ZDHHC2: variants seen among roughly 807,000 people sequenced by gnomAD.
ZDHHC2 encodes zDHHC palmitoyltransferase 2.
ZDHHC2 carries 51 observed loss-of-function variants against 55.6 expected under a neutral mutation model. The ratio of observed to expected loss-of-function variants is 0.92; its 90% confidence interval spans 0.73 to 1.16. The LOEUF (loss-of-function observed/expected upper bound fraction) is 1.16, where lower values mean the gene tolerates loss of function less well. Ranked by LOEUF, ZDHHC2 falls within the 50% of genes most tolerant of loss-of-function variation. ZDHHC2 has a pLI of 0.00. For missense variants in ZDHHC2, 491 were observed against 442.4 expected, an observed-to-expected ratio of 1.11 and a Z score of -0.99; for synonymous variants, 199 against 152.9, an observed-to-expected ratio of 1.30 and a Z score of -2.22.
intron 1 of ZDHHC2, among the ~76,000 whole-genome samples, chr8:17,165,634 G>C (rs1285922216): frequency 6.6e-6 from 1 of 152,172 alleles, no homozygotes; most frequent in Non-Finnish European, 1.5e-5. Context: ...TCTATTGACA[G>C]ATGTTGGAGC....
chr8:17,199,588 CT>C (rs1340893091), intron 6 of ZDHHC2, among the ~76,000 whole-genome samples: 735 of 33,996 alleles, frequency 0.022, 44 homozygotes, highest in Non-Finnish European at 0.056. Flanking sequence ...TCTTCTTCTT[CT>C]TTCTTCTTCT....
rs777321110 is a variant in ZDHHC2, at chr8:17,210,427, C to G, written c.897C>G (p.Asn299Lys). Residue 299 changes from asparagine (N) to lysine (K), a missense_variant, in exon 10 of 13, where the codon AAC becomes AAG. Physicochemically the swap from Asn to Lys is moderately conservative, Grantham distance 94. Transcript: ENST00000262096. ...DGCSFPTCLVNQDPEQASTPA... is the reference protein window; with the variant it reads ...DGCSFPTCLVKQDPEQASTPA... ...GCTCCTTTCCAACTTGCCTTGTTAACCAGGATCCTGAACAAGCATCTACTC... is the reference window on the plus strand; with the variant it reads ...GCTCCTTTCCAACTTGCCTTGTTAAGCAGGATCCTGAACAAGCATCTACTC... The G allele has an allele frequency of 8.8e-5, 142 of 1,613,210 alleles. No homozygotes were observed. The highest frequency in any genetic ancestry group is 1.2e-4 in the Non-Finnish European group (140 of 1,179,592).
At chr8:17,189,112 T>C (rs1805886848) in intron 3 of ZDHHC2, among the ~76,000 whole-genome samples, 1 of 146,464 alleles carries the variant, frequency 6.8e-6, no homozygotes, top group East Asian at 2.0e-4. Context: ...GTTTTTTTTT[T>C]TGGTGTTTTG....
rs898817041 is a variant in ZDHHC2, at chr8:17,189,716, G to A, written c.252+3291G>A. Among the ~76,000 whole-genome samples, 6 of 152,290 alleles carry A rather than the reference G, an allele frequency of 3.9e-5. No homozygotes were observed. In the East Asian group the frequency reaches 7.7e-4, roughly 20 times the overall value. Reference sequence around the variant, plus strand: ...TAGTGGATTGGACAGAGTGGCAAAAGGATATGAAACACACGGAAGAAAGAA... The same window carrying A: ...TAGTGGATTGGACAGAGTGGCAAAAAGATATGAAACACACGGAAGAAAGAA... On this transcript the variant is annotated intron_variant, in intron 3 of 12. Transcript: ENST00000262096.
chr8:17,198,553 A>C (rs1282954383), intron 6 of ZDHHC2, 140 bp downstream of exon 6: 3 of 765,792 alleles, frequency 3.9e-6, no homozygotes, highest in Non-Finnish European at 5.7e-6. Context: ...AGTTTCTAAT[A>C]TTTGTTTAAC....
intron 12 of ZDHHC2, among the ~76,000 whole-genome samples, chr8:17,217,994 G>A (rs1807726170): frequency 6.6e-6 from 1 of 152,136 alleles, no homozygotes; most frequent in Admixed American, 6.5e-5. Context: ...TCTATGAAAA[G>A]CAAGAGATTC....
At position 17,224,606 on chromosome 8, in the gene ZDHHC2, C is replaced by T. The variant is rs764810827; in HGVS notation, c.*4385C>T. ...GGTGCTTAATCAATTGAAAAAAAAACGCATAATGCTTCAAGGTAAAATTCC... is the reference window on the plus strand; with the variant it reads ...GGTGCTTAATCAATTGAAAAAAAAATGCATAATGCTTCAAGGTAAAATTCC... On this transcript the variant is annotated 3_prime_UTR_variant, in exon 13 of 13. Coordinates refer to ENST00000262096, the MANE Select transcript of ZDHHC2 (RefSeq NM_016353.5). 8.0e-5 allele frequency: 12 copies of T among 150,910 alleles called. No homozygotes were observed. The highest frequency in any genetic ancestry group is 2.1e-4 in the South Asian group (1 of 4,790). The allele number at this position is 150,910 out of a possible 1,614,324, so 9.3% of individuals were successfully genotyped here.
intron 1 of ZDHHC2, among the ~76,000 whole-genome samples, chr8:17,179,869 C>T (rs1398356084): frequency 1.3e-5 from 2 of 152,138 alleles, no homozygotes; most frequent in Non-Finnish European, 2.9e-5. Flanking sequence ...ACTTGAAGTT[C>T]TGGAGGTATA....
chr8:17,183,666 G>A (rs1805549733), intron 1 of ZDHHC2, among the ~76,000 whole-genome samples: 2 of 152,176 alleles, frequency 1.3e-5, no homozygotes, highest in Non-Finnish European at 2.9e-5. Flanking sequence ...TCAAATATGT[G>A]AAGATCTGTC....
At chr8:17,194,345 AATAT>A (rs34831146) in intron 3 of ZDHHC2, among the ~76,000 whole-genome samples, 1 of 146,882 alleles carries the variant, frequency 6.8e-6, no homozygotes, top group African/African-American at 2.5e-5. Flanking sequence ...TAAATATATA[AATAT>A]ATATATATAC....
intron 3 of ZDHHC2, 114 bp from the exon 4 acceptor site, chr8:17,195,390 A>T (rs1806254448): frequency 8.2e-7 from 1 of 1,225,206 alleles, no homozygotes; most frequent in Non-Finnish European, 1.1e-6. Context: ...GTCTCTTTGA[A>T]TGTACAATAT....
intron 1 of ZDHHC2, among the ~76,000 whole-genome samples, chr8:17,177,927 C>A (rs1419028566): frequency 6.6e-6 from 1 of 151,894 alleles, no homozygotes; most frequent in Non-Finnish European, 1.5e-5. Context: ...AATTTGAAGA[C>A]AAGAAAAAGA....
chr8:17,169,627 T>G (rs915667523), intron 1 of ZDHHC2, among the ~76,000 whole-genome samples: 5 of 152,190 alleles, frequency 3.3e-5, no homozygotes, highest in Non-Finnish European at 7.4e-5. Context: ...ATGAACTCGA[T>G]TCTGATCCGC....
At chr8:17,199,546 T>TGTCTTCGTCTTCGTCTTCGTATTC (rs200556191) in intron 6 of ZDHHC2, among the ~76,000 whole-genome samples, 2 of 40,642 alleles carry the variant, frequency 4.9e-5, no homozygotes, top group African/African-American at 1.5e-4. Flanking sequence ...CTTCGTCTTC[T>TGTCTTCGTCTTCGTCTTCGTATTC]GTCTTCGTCT....
In ZDHHC2 at chr8:17,195,547, C is replaced by T. The variant is rs1182279357; in HGVS notation, c.296C>T (p.Pro99Leu). 4 of 1,613,682 alleles carry T rather than the reference C, an allele frequency of 2.5e-6. No individual in the cohort carries two copies. The African/African-American group carries it at 5.3e-5, about 22-fold the overall frequency. Residue 99 changes from proline to leucine, a missense_variant, in exon 4 of 13, where the codon CCA (proline) becomes CTA (leucine). Physicochemically the swap from Pro to Leu is moderately conservative, Grantham distance 98. Coordinates refer to ENST00000262096, the MANE Select transcript of ZDHHC2 (RefSeq NM_016353.5). ...GAGAAAGATTTGTTGGAGAGAGAGCCAAGAGGAGAAGCCCATCAGGAAGTT... is the reference window on the plus strand; with the variant it reads ...GAGAAAGATTTGTTGGAGAGAGAGCTAAGAGGAGAAGCCCATCAGGAAGTT... Reference protein sequence around the residue: ...YAEKDLLEREPRGEAHQEVLR... With the variant: ...YAEKDLLERELRGEAHQEVLR...
At chr8:17,216,464 C>G (rs921086629) in intron 11 of ZDHHC2, among the ~76,000 whole-genome samples, 1 of 152,166 alleles carries the variant, frequency 6.6e-6, no homozygotes, top group Admixed American at 6.6e-5. Flanking sequence ...CATGCCATTT[C>G]ACTTTCTAAT....
At chr8:17,179,807 A>G (rs1005906691) in intron 1 of ZDHHC2, among the ~76,000 whole-genome samples, 2 of 152,328 alleles carry the variant, frequency 1.3e-5, no homozygotes, top group Middle Eastern at 3.4e-3. Flanking sequence ...CTCTTCCTAT[A>G]TACCGTCAGG....
intron 1 of ZDHHC2, 121 bp downstream of exon 1, chr8:17,156,974 C>T (rs958250807): frequency 9.7e-6 from 9 of 929,826 alleles, no homozygotes; most frequent in Non-Finnish European, 1.3e-5. Flanking sequence ...GCCAACCTGC[C>T]GCGTCCCGCC....
rs1434024488 is a variant in ZDHHC2, at chr8:17,220,558, A to G, written c.*337A>G. The G allele has an allele frequency of 1.3e-5, 2 of 152,246 alleles. No individual in the cohort carries two copies. The highest frequency in any genetic ancestry group is 4.8e-5 in the African/African-American group (2 of 41,480). 9.4% of individuals were successfully genotyped at this position (152,246 alleles called of 1,614,324 possible). On this transcript the variant is annotated 3_prime_UTR_variant, in exon 13 of 13. Coordinates refer to ENST00000262096, the MANE Select transcript of ZDHHC2 (RefSeq NM_016353.5). ...ATATATGGGTAGCACAGTTTATCAC[A>G]TAGAAACTCCATTAATCATCTGATT...
Sources: gnomAD v4.1 joint callset for allele counts (sites outside exome capture counted in the v4.1 genomes callset) on GRCh38, gnomAD v4.1.1 for gene constraint, MANE v1.5 for transcripts, NCBI Gene and HGNC (gene_info 2026-07-23, HGNC 2026-07-21) for gene names.